ZCCHC17: variants seen among roughly 807,000 people sequenced by gnomAD.
The protein encoded by ZCCHC17 is zinc finger CCHC domain-containing protein 17.
In ZCCHC17, 18 loss-of-function variants were observed where a neutral mutation model predicts 30.6. That is an observed-to-expected ratio of 0.59 (90% CI 0.41 to 0.87). The LOEUF (loss-of-function observed/expected upper bound fraction) is 0.87, where lower values mean the gene tolerates loss of function less well. ZCCHC17 is among the 40% of genes least tolerant of loss of function. The pLI, the probability that ZCCHC17 is intolerant of heterozygous loss-of-function variation, is 0.00. For synonymous variants in ZCCHC17, 88 were observed against 92.4 expected (o/e 0.95, Z 0.27); for missense variants, 263 against 284.2 (o/e 0.93, Z 0.54).
chr1:31,346,881 T>G, intron 6 of ZCCHC17, 141 bp downstream of exon 6: 1 of 1,503,378 alleles, frequency 6.7e-7, no homozygotes, highest in Non-Finnish European at 8.9e-7. Flanking sequence ...TCCACCAGAC[T>G]CACATCAGAG....
At chr1:31,303,478 A>T (rs1646369436) in intron 1 of ZCCHC17, among the ~76,000 whole-genome samples, 1 of 152,240 alleles carries the variant, frequency 6.6e-6, no homozygotes, top group African/African-American at 2.4e-5. Context: ...AACAAGCTGG[A>T]AAATGATAAC....
chr1:31,318,358 A>C, intron 2 of ZCCHC17: 1 of 744,964 alleles, frequency 1.3e-6, no homozygotes. Context: ...GGGAAGAGAG[A>C]GCTAGAGCCT....
chr1:31,299,541 A>G (rs1360917179), intron 1 of ZCCHC17, among the ~76,000 whole-genome samples: 1 of 152,230 alleles, frequency 6.6e-6, no homozygotes, highest in African/African-American at 2.4e-5. Context: ...ATGTGGAAAG[A>G]AGGAGGGTGT....
intron 4 of ZCCHC17, 84 bp downstream of exon 4, chr1:31,337,359 A>C: frequency 8.5e-7 from 1 of 1,181,128 alleles, no homozygotes; most frequent in Admixed American, 2.0e-5. Context: ...TGAGTGTGTA[A>C]ATTTTGTTAA....
chr1:31,345,934 T>G (rs926720810), intron 5 of ZCCHC17, among the ~76,000 whole-genome samples: 6 of 152,114 alleles, frequency 3.9e-5, no homozygotes, highest in Non-Finnish European at 7.4e-5. Flanking sequence ...TTTTTGTGTG[T>G]GGGGGAACAC....
At chr1:31,346,190 C>G (rs138844384) in intron 5 of ZCCHC17, among the ~76,000 whole-genome samples, 1 of 152,200 alleles carries the variant, frequency 6.6e-6, no homozygotes, top group East Asian at 1.9e-4. Flanking sequence ...TGAGCAAAAG[C>G]ACTGAGCCAC....
At chr1:31,334,350 T>G (rs1638730042) in intron 3 of ZCCHC17, among the ~76,000 whole-genome samples, 1 of 39,396 alleles carries the variant, frequency 2.5e-5, no homozygotes. Context: ...TGTGTGTGTG[T>G]GTGTGTGTGT....
chr1:31,312,464 A>G (rs1646628644), intron 2 of ZCCHC17, among the ~76,000 whole-genome samples: 1 of 148,320 alleles, frequency 6.7e-6, no homozygotes, highest in Non-Finnish European at 1.5e-5. Context: ...TCAAGAGCAG[A>G]GGCTTTGAAA....
intron 3 of ZCCHC17, among the ~76,000 whole-genome samples, chr1:31,332,245 A>T (rs2148445834): frequency 6.6e-6 from 1 of 152,310 alleles, no homozygotes; most frequent in South Asian, 2.1e-4. Context: ...TCCTGCACTT[A>T]TATCTACAGT....
intron 1 of ZCCHC17, among the ~76,000 whole-genome samples, chr1:31,302,673 G>T (rs549931358): frequency 6.6e-6 from 1 of 152,224 alleles, no homozygotes; most frequent in Admixed American, 6.5e-5. Context: ...TCACAGTTCT[G>T]AATTGCTGGG....
intron 1 of ZCCHC17, among the ~76,000 whole-genome samples, chr1:31,302,917 T>G (rs1408577322): frequency 6.6e-6 from 1 of 152,172 alleles, no homozygotes; most frequent in East Asian, 1.9e-4. Flanking sequence ...CAAGATGAAA[T>G]TTGGGTGAGG....
intron 4 of ZCCHC17, among the ~76,000 whole-genome samples, chr1:31,338,134 C>CTTTTTTTTTTTTT (rs745793056): frequency 7.9e-6 from 1 of 126,356 alleles, no homozygotes; most frequent in African/African-American, 2.9e-5. Flanking sequence ...TAAACCTGGC[C>CTTTTTTTTTTTTT]TTTTTTTTTT....
chr1:31,326,185 C>T (rs1049722667), intron 3 of ZCCHC17, among the ~76,000 whole-genome samples: 2 of 151,846 alleles, frequency 1.3e-5, no homozygotes, highest in African/African-American at 4.8e-5. Context: ...GAGGAATATT[C>T]AACAGATTAA....
rs528408282 is a variant in ZCCHC17, at chr1:31,306,191, A to AT, written c.-55-3843dup. On this transcript the variant is annotated intron_variant, in intron 1 of 7. Transcript: ENST00000344147. ...TAGATCTTAGCAACCTTAGCATACAATTTTTTTTTTCCCCTTGAGAACTTT... is the reference window on the plus strand; with the variant it reads ...TAGATCTTAGCAACCTTAGCATACAATTTTTTTTTTTCCCCTTGAGAACTTT... 2.7e-5 allele frequency among the ~76,000 whole-genome samples: 4 copies of AT among 150,626 alleles called. No homozygotes were observed. The East Asian group carries it at 5.8e-4, about 22-fold the overall frequency.
chr1:31,342,876 C>G (rs968665328), intron 5 of ZCCHC17, among the ~76,000 whole-genome samples: 1 of 152,076 alleles, frequency 6.6e-6, no homozygotes, highest in Non-Finnish European at 1.5e-5. Flanking sequence ...AAGATCTTGT[C>G]AGACAGCAGG....
rs779969742 is a variant in ZCCHC17, at chr1:31,310,142, TCTACA to T, written c.48_52del (p.Thr17PhefsTer38). ...GAGACCATGGAAAACTTGCCTGCTC[TCTACA>T]CTATTTTCCAAGGAGAGGTATATTC... On this transcript the variant is annotated frameshift_variant, in exon 2 of 8. Transcript: ENST00000344147. LOFTEE classifies it high-confidence loss of function. 6.2e-7 allele frequency: 1 copy of T among 1,614,168 alleles called. No individual in the cohort carries two copies. The highest frequency in any genetic ancestry group is 1.1e-5 in the South Asian group (1 of 91,076).
chr1:31,328,984 A>G (rs1461112634), intron 3 of ZCCHC17, among the ~76,000 whole-genome samples: 1 of 152,148 alleles, frequency 6.6e-6, no homozygotes, highest in Non-Finnish European at 1.5e-5. Context: ...AGCCTGGGCA[A>G]TATGGCAAGA....
At chr1:31,335,069 G>C (rs990735387) in intron 3 of ZCCHC17, among the ~76,000 whole-genome samples, 2 of 152,188 alleles carry the variant, frequency 1.3e-5, no homozygotes, top group Non-Finnish European at 2.9e-5. Flanking sequence ...TCTCAGTTAT[G>C]TTTCTCAGTT....
chr1:31,330,395 G>C (rs1244207675), intron 3 of ZCCHC17, among the ~76,000 whole-genome samples: 2 of 152,162 alleles, frequency 1.3e-5, no homozygotes, highest in Non-Finnish European at 2.9e-5. Flanking sequence ...TGATGGACTT[G>C]ATATGCCTCT....
Sources: gnomAD v4.1 joint callset for allele counts (sites outside exome capture counted in the v4.1 genomes callset) on GRCh38, gnomAD v4.1.1 for gene constraint, MANE v1.5 for transcripts, NCBI Gene and HGNC (gene_info 2026-07-23, HGNC 2026-07-21) for gene names.